Variants in CEP83 observed in about 807,000 individuals in gnomAD.
CEP83 encodes centrosomal protein of 83 kDa.
Under a neutral mutation model 101.9 loss-of-function variants are expected in CEP83, and 70 were observed. That is an observed-to-expected ratio of 0.69 (90% CI 0.57 to 0.84). The LOEUF is 0.84. Among genes scored for constraint, CEP83 ranks in the 40% least tolerant of loss-of-function variants. CEP83 has a pLI of 0.00. For missense variants in CEP83, 715 were observed against 787.2 expected (o/e 0.91, Z 1.10); for synonymous variants, 264 against 267.9 (o/e 0.99, Z 0.14).
At chr12:94,301,835 A>C (rs994042867), downstream of CEP83, among the ~76,000 whole-genome samples, 3 of 152,152 alleles carry the variant, frequency 2.0e-5, no homozygotes, top group African/African-American at 7.2e-5. Flanking sequence ...AGCATTGCCT[A>C]GTCTCTCAAG....
At chr12:94,393,487 A>G (rs368316507) in intron 6 of CEP83, among the ~76,000 whole-genome samples, 87 of 152,128 alleles carry the variant, frequency 5.7e-4, no homozygotes, top group Non-Finnish European at 9.7e-4. Flanking sequence ...AAAATAATAA[A>G]AGCTATTTAT....
intron 7 of CEP83, 111 bp downstream of exon 7, chr12:94,378,680 G>T: frequency 8.8e-7 from 1 of 1,137,870 alleles, no homozygotes; most frequent in Non-Finnish European, 1.3e-6. Context: ...TTACACAAAT[G>T]CATCAGCATT....
intron 8 of CEP83, among the ~76,000 whole-genome samples, chr12:94,371,914 G>A (rs1036593475): frequency 2.0e-5 from 3 of 152,140 alleles, no homozygotes; most frequent in East Asian, 1.9e-4. Context: ...AAATTAACTC[G>A]TAGATTTTTA....
At chr12:94,274,266 A>C in the CEP83 span, among the ~76,000 whole-genome samples, 1 of 145,362 alleles carries the variant, frequency 6.9e-6, no homozygotes, top group Non-Finnish European at 1.5e-5. Context: ...TGAGCCTGGG[A>C]GGTCGAGGCT....
chr12:94,302,478 C>CT (rs1369891786), downstream of CEP83, among the ~76,000 whole-genome samples: 1 of 152,182 alleles, frequency 6.6e-6, no homozygotes, highest in Non-Finnish European at 1.5e-5. Flanking sequence ...AATATATTTC[C>CT]TACAGCACTT....
chr12:94,335,333 T>G (rs1036977669), intron 12 of CEP83, among the ~76,000 whole-genome samples: 26 of 152,002 alleles, frequency 1.7e-4, no homozygotes, highest in African/African-American at 5.8e-4. Flanking sequence ...TAATTAAAAA[T>G]TATCATGGGC....
intron 1 of CEP83, among the ~76,000 whole-genome samples, chr12:94,443,879 C>T (rs542763123): frequency 6.6e-6 from 1 of 152,224 alleles, no homozygotes; most frequent in South Asian, 2.1e-4. Flanking sequence ...CTATAAATTC[C>T]TCAAAGGAAA....
At chr12:94,430,013 C>T (rs186608420) in intron 2 of CEP83, among the ~76,000 whole-genome samples, 8 of 152,218 alleles carry the variant, frequency 5.3e-5, no homozygotes, top group African/African-American at 1.7e-4. Flanking sequence ...TAAGGATCAC[C>T]CCACCCCTTC....
intron 14 of CEP83, among the ~76,000 whole-genome samples, chr12:94,320,892 T>G (rs757968294): frequency 5.3e-5 from 8 of 152,204 alleles, no homozygotes; most frequent in Non-Finnish European, 1.2e-4. Context: ...GTGTAGAATT[T>G]TGTTCTCTAT....
intron 6 of CEP83, among the ~76,000 whole-genome samples, chr12:94,380,823 T>C (rs992863527): frequency 1.3e-5 from 2 of 152,176 alleles, no homozygotes; most frequent in African/African-American, 2.4e-5. Context: ...CAGTTCACAA[T>C]GTTCTTGACC....
the CEP83 span, among the ~76,000 whole-genome samples, chr12:94,299,118 TTA>T: frequency 1.3e-5 from 2 of 152,322 alleles, no homozygotes; most frequent in Non-Finnish European, 2.9e-5. Flanking sequence ...CATTTTTGCA[TTA>T]GAGAAAATTT....
intron 14 of CEP83, among the ~76,000 whole-genome samples, chr12:94,314,255 T>C (rs1057142323): frequency 5.3e-5 from 8 of 152,166 alleles, no homozygotes; most frequent in Non-Finnish European, 2.9e-5. Context: ...GCAAAATGCA[T>C]AGAATAGAAA....
In CEP83 at chr12:94,312,525, G is replaced by A. The variant is rs537428781; in HGVS notation, c.1811+389C>T. On this transcript the variant is annotated intron_variant, in intron 15 of 16. Coordinates refer to ENST00000397809, the MANE Select transcript of CEP83 (RefSeq NM_016122.3). ...GTGCTTGAATGTGACTGCAAAACCCGAAACTACAGCTCAATAAAATCTCCA... is the reference window on the plus strand; with the variant it reads ...GTGCTTGAATGTGACTGCAAAACCCAAAACTACAGCTCAATAAAATCTCCA... The A allele has an allele frequency of 1.5e-4, 144 of 969,464 alleles. No individual in the cohort carries two copies. In the African/African-American group the frequency reaches 2.3e-3, roughly 16 times the overall value. The allele number at this position is 969,464 out of a possible 1,614,324, so 60.1% of individuals were successfully genotyped here. A position where few individuals can be genotyped will look rare whatever the true frequency, so the allele number is the denominator to read the frequency against.
chr12:94,388,414 T>C (rs928542659), intron 6 of CEP83, among the ~76,000 whole-genome samples: 4 of 152,026 alleles, frequency 2.6e-5, no homozygotes, highest in African/African-American at 9.7e-5. Context: ...ATGGGAACAA[T>C]AGAACTGGGG....
At chr12:94,288,039 T>C in the CEP83 span, among the ~76,000 whole-genome samples, 1 of 152,222 alleles carries the variant, frequency 6.6e-6, no homozygotes, top group Non-Finnish European at 1.5e-5. Context: ...ACTGTGGCTC[T>C]GCGCAGGGCC....
chr12:94,340,779 T>C (rs968019534), intron 11 of CEP83, among the ~76,000 whole-genome samples: 2 of 152,188 alleles, frequency 1.3e-5, no homozygotes, highest in African/African-American at 4.8e-5. Flanking sequence ...AACAAGAACT[T>C]TGTCCTCTTG....
chr12:94,444,820 A>C (rs2066679704), intron 1 of CEP83, among the ~76,000 whole-genome samples: 1 of 152,194 alleles, frequency 6.6e-6, no homozygotes, highest in African/African-American at 2.4e-5. Flanking sequence ...CAACATAGTG[A>C]GACTCTATAT....
intron 11 of CEP83, among the ~76,000 whole-genome samples, chr12:94,340,821 T>C (rs926689179): frequency 4.6e-5 from 7 of 152,096 alleles, no homozygotes; most frequent in Middle Eastern, 6.8e-3. Context: ...ATCACAGAGA[T>C]AGGACAGCAG....
the CEP83 span, chr12:94,297,228 C>T: frequency 6.2e-7 from 1 of 1,614,026 alleles, no homozygotes; most frequent in Non-Finnish European, 8.5e-7. Flanking sequence ...TTGGTGAGTT[C>T]AGGCTTTCTT....
Sources: allele counts gnomAD v4.1 joint callset (sites outside exome capture counted in the v4.1 genomes callset), GRCh38; gene constraint gnomAD v4.1.1; transcripts MANE v1.5; gene names NCBI Gene and HGNC (gene_info 2026-07-23, HGNC 2026-07-21).